The following WDR27 variants were observed in gnomAD, a reference collection of about 807,000 sequenced individuals.
The protein encoded by WDR27 is WD repeat domain 27, also known as WD repeat-containing protein 27.
A neutral mutation model predicts 114.4 loss-of-function variants in WDR27; 100 were observed. The observed-to-expected ratio is 0.87, with a 90% CI of 0.74 to 1.03. WDR27 has a LOEUF of 1.03. Ranked by LOEUF, WDR27 falls within the 50% of genes least tolerant of loss-of-function variation. The pLI is 0.00. For missense variants in WDR27, 1,129 were observed against 1,092.9 expected (o/e 1.03, Z -0.47); for synonymous variants, 449 against 423.1 (o/e 1.06, Z -0.75).
Position 169,513,416 on chromosome 6 carries a change from G to A in WDR27, c.2646-55782C>T, listed in dbSNP as rs547464983. Among the ~76,000 whole-genome samples the A allele has an allele frequency of 4.6e-5, 7 of 152,236 alleles. No homozygotes were observed. In the East Asian group the frequency reaches 1.2e-3, roughly 25 times the overall value. ...GAGGGAACACAGATGCCCACCTCTC[G>A]AGGAAAGAAGTGTTGAAGGATTTGC... is the stretch of plus-strand genomic sequence containing the variant. On this transcript the variant is annotated intron_variant, in intron 25 of 25. Coordinates refer to ENST00000448612, the MANE Select transcript of WDR27 (RefSeq NM_182552.5).
At chr6:169,585,344 G>T (rs2128144650) in intron 23 of WDR27, among the ~76,000 whole-genome samples, 1 of 152,266 alleles carries the variant, frequency 6.6e-6, no homozygotes, top group Admixed American at 6.5e-5. Context: ...TCACCTAAAA[G>T]AACTATTTTA....
intron 25 of WDR27, among the ~76,000 whole-genome samples, chr6:169,508,794 G>A (rs918169671): frequency 6.6e-5 from 10 of 152,214 alleles, no homozygotes; most frequent in Admixed American, 6.5e-4. Context: ...TAGATACTTT[G>A]TAGAAAATAT....
At chr6:169,555,869 C>T (rs548226644) in intron 25 of WDR27, among the ~76,000 whole-genome samples, 13 of 152,132 alleles carry the variant, frequency 8.5e-5, no homozygotes, top group African/African-American at 3.1e-4. Context: ...TGAAATTTAG[C>T]GGGAAAAGGA....
rs1463425922 is a variant in WDR27, at chr6:169,458,955, A to G, written c.2646-1321T>C. Among the ~76,000 whole-genome samples the G allele has an allele frequency of 7.9e-5, 12 of 152,084 alleles. No individual in the cohort carries two copies. In the South Asian group the frequency reaches 1.4e-3, roughly 18 times the overall value. ...AAAATAAACAAAAATAAACAAAACA[A>G]TGACAAAAAAAATCAAACCCAGGAG... On this transcript the variant is annotated intron_variant, in intron 25 of 25. Transcript: ENST00000448612.
At chr6:169,464,688 G>A (rs868319726) in intron 25 of WDR27, among the ~76,000 whole-genome samples, 1 of 152,334 alleles carries the variant, frequency 6.6e-6, no homozygotes, top group Middle Eastern at 3.4e-3. Flanking sequence ...AGGGATGTCT[G>A]ACAAAGAATT....
At chr6:169,632,919 G>A in intron 21 of WDR27, 28 bp downstream of exon 21, 2 of 1,569,368 alleles carry the variant, frequency 1.3e-6, no homozygotes, top group Non-Finnish European at 8.7e-7. Context: ...TTTTACAGAT[G>A]ATACATGTTA....
chr6:169,470,337 T>C (rs1786190728), intron 25 of WDR27, among the ~76,000 whole-genome samples: 1 of 152,226 alleles, frequency 6.6e-6, no homozygotes, highest in South Asian at 2.1e-4. Context: ...ATCTGCAGCA[T>C]GCACATCACA....
the WDR27 span, among the ~76,000 whole-genome samples, chr6:169,452,069 GTTTGT>G: frequency 6.6e-6 from 1 of 152,072 alleles, no homozygotes; most frequent in Non-Finnish European, 1.5e-5. Context: ...TAAAATTCTA[GTTTGT>G]TTTAAAACAA....
intron 25 of WDR27, chr6:169,558,936 C>T (rs1292163667): frequency 2.6e-5 from 4 of 152,216 alleles, no homozygotes; most frequent in Non-Finnish European, 5.9e-5. Flanking sequence ...CTATTACTGA[C>T]TCAAATTCAG....
Position 169,649,189 on chromosome 6 carries a change from A to G in WDR27, c.1559+9T>C, listed in dbSNP as rs1821594653. On this transcript the variant is annotated intron_variant, in intron 15 of 25. Coordinates refer to ENST00000448612, the MANE Select transcript of WDR27 (RefSeq NM_182552.5). Reference sequence around the variant, plus strand: ...CAAATGTACTTGGAATGCACGCTACATCACACACCGTGCGCAGCTGCTCCT... The same window carrying G: ...CAAATGTACTTGGAATGCACGCTACGTCACACACCGTGCGCAGCTGCTCCT... The G allele has an allele frequency of 6.4e-7, 1 of 1,563,584 alleles. No homozygotes were observed. The highest frequency in any genetic ancestry group is 1.4e-5 in the African/African-American group (1 of 73,736).
chr6:169,678,089 T>C (rs566915487), intron 2 of WDR27, among the ~76,000 whole-genome samples: 1 of 152,346 alleles, frequency 6.6e-6, no homozygotes, highest in South Asian at 2.1e-4. Flanking sequence ...GAGTCCCCAC[T>C]GAGGCACTGC....
At chr6:169,661,543 G>A (rs535986507) in intron 9 of WDR27, among the ~76,000 whole-genome samples, 31 of 152,314 alleles carry the variant, frequency 2.0e-4, no homozygotes, top group African/African-American at 5.8e-4. Flanking sequence ...ACCAGTCCAC[G>A]GTTCACCCAA....
At chr6:169,630,451 GGTATCTTAAAGTC>G (rs1475960642) in intron 21 of WDR27, among the ~76,000 whole-genome samples, 2 of 152,088 alleles carry the variant, frequency 1.3e-5, no homozygotes, top group Non-Finnish European at 2.9e-5. Context: ...TCTGCACTCA[GGTATCTTAAAGTC>G]AAATGTCTTT....
At chr6:169,578,745 G>A (rs1000162476) in intron 24 of WDR27, among the ~76,000 whole-genome samples, 8 of 152,166 alleles carry the variant, frequency 5.3e-5, no homozygotes, top group East Asian at 3.9e-4. Context: ...CTTGGGGGAC[G>A]CTCAACAGTA....
At chr6:169,554,711 C>T (rs1486509010) in intron 25 of WDR27, among the ~76,000 whole-genome samples, 1 of 152,142 alleles carries the variant, frequency 6.6e-6, no homozygotes, top group African/African-American at 2.4e-5. Flanking sequence ...CAACCACCAC[C>T]ATGTGCAACC....
intron 13 of WDR27, among the ~76,000 whole-genome samples, chr6:169,655,273 G>A (rs1267579502): frequency 6.6e-6 from 1 of 152,246 alleles, no homozygotes; most frequent in African/African-American, 2.4e-5. Context: ...AGCCACCTGG[G>A]AAGACCCTTG....
intron 25 of WDR27, among the ~76,000 whole-genome samples, chr6:169,458,098 A>C (rs1353964785): frequency 6.6e-6 from 1 of 152,162 alleles, no homozygotes; most frequent in East Asian, 1.9e-4. Flanking sequence ...CAATTTATGG[A>C]GTCTGTTGAA....
rs566957920 is a variant in WDR27, at chr6:169,468,389, C to T, written c.2646-10755G>A. Among the ~76,000 whole-genome samples the T allele has an allele frequency of 2.0e-5, 3 of 152,314 alleles. No homozygotes were observed. The South Asian group carries it at 6.2e-4, about 32-fold the overall frequency. ...GCAGTGCTGGGGAGGCCTCAGGAAA[C>T]TTTCTGTCATGGCACAAGGGAAAGC... On this transcript the variant is annotated intron_variant, in intron 25 of 25. Coordinates refer to ENST00000448612, the MANE Select transcript of WDR27 (RefSeq NM_182552.5).
intron 25 of WDR27, among the ~76,000 whole-genome samples, chr6:169,478,167 C>A (rs772462922): frequency 2.5e-4 from 38 of 151,878 alleles, no homozygotes; most frequent in Middle Eastern, 3.4e-3. Flanking sequence ...TGGGTGGGGG[C>A]GTTCTTCATC....
Sources: gnomAD v4.1 joint callset for allele counts (sites outside exome capture counted in the v4.1 genomes callset) on GRCh38, gnomAD v4.1.1 for gene constraint, MANE v1.5 for transcripts, NCBI Gene and HGNC (gene_info 2026-07-23, HGNC 2026-07-21) for gene names.